STYXL2: variants seen among roughly 807,000 people sequenced by gnomAD.
STYXL2 encodes the protein serine/threonine/tyrosine interacting like 2.
A neutral mutation model predicts 52.4 loss-of-function variants in STYXL2; 44 were observed. The observed-to-expected ratio is 0.84, with a 90% confidence interval of 0.66 to 1.08. The LOEUF (loss-of-function observed/expected upper bound fraction) is 1.08, where lower values mean the gene tolerates loss of function less well. Among genes scored for constraint, STYXL2 ranks in the 50% least tolerant of loss-of-function variants. STYXL2 has a pLI of 0.00. For synonymous variants in STYXL2, 604 were observed against 586.9 expected (o/e 1.03, Z -0.42); for missense variants, 1,604 against 1,471.7 (o/e 1.09, Z -1.47).
intron 1 of STYXL2, 87 bp from the exon 2 acceptor site, chr1:167,094,747 T>C (rs2102216176): frequency 2.3e-6 from 2 of 881,400 alleles, no homozygotes; most frequent in East Asian, 2.6e-5. Context: ...CTAGTTCCAC[T>C]GAGGTGACAT....
chr1:167,094,435 T>A (rs1359772126), intron 1 of STYXL2: 2 of 195,146 alleles, frequency 1.0e-5, no homozygotes, highest in African/African-American at 4.7e-5. Context: ...GGTGTGCGCA[T>A]GGGCATAGGT....
At chr1:167,125,657 A>G in intron 5 of STYXL2, 130 bp from the exon 6 acceptor site, 1 of 1,358,920 alleles carries the variant, frequency 7.4e-7, no homozygotes, top group Non-Finnish European at 9.5e-7. Context: ...GCCCGGATGA[A>G]CTTCAGAGGC....
intron 2 of STYXL2, among the ~76,000 whole-genome samples, chr1:167,111,944 A>G (rs1017619062): frequency 2.0e-5 from 3 of 152,076 alleles, no homozygotes; most frequent in African/African-American, 7.2e-5. Flanking sequence ...ACCATCCACA[A>G]ATTGTTGTCC....
At chr1:167,117,299 C>A in intron 3 of STYXL2, 29 bp from the exon 4 acceptor site, 1 of 1,564,856 alleles carries the variant, frequency 6.4e-7, no homozygotes, top group South Asian at 1.2e-5. Flanking sequence ...TCCTAACTCT[C>A]TGATGAGAAT....
intron 2 of STYXL2, among the ~76,000 whole-genome samples, chr1:167,108,015 C>T (rs1258053625): frequency 6.6e-6 from 1 of 152,136 alleles, no homozygotes; most frequent in Non-Finnish European, 1.5e-5. Flanking sequence ...AAAAGAAGAC[C>T]AGTGTACTGG....
Position 167,126,060 on chromosome 1 carries a change from A to T in STYXL2, c.929A>T (p.His310Leu). 1 of 1,558,652 alleles carries T rather than the reference A, an allele frequency of 6.4e-7. No individual in the cohort carries two copies. ...GTGSMLGARVHALTVEEEDDS... is the reference protein window; with the variant it reads ...GTGSMLGARVLALTVEEEDDS... ...GGGAGCATGCTCGGGGCCAGAGTGC[A>T]CGCCCTGACGGTGGAAGAGGAGGAC... Residue 310 changes from histidine (H) to leucine (L), a missense_variant, in exon 6 of 6, where the codon CAC (histidine) becomes CTC (leucine). Transcript: ENST00000361200.
At chr1:167,098,248 G>C (rs1269083804) in intron 2 of STYXL2, among the ~76,000 whole-genome samples, 1 of 152,026 alleles carries the variant, frequency 6.6e-6, no homozygotes, top group Non-Finnish European at 1.5e-5. Flanking sequence ...TTGACCTTGT[G>C]ATCCCTCTGC....
At chr1:167,113,897 A>T in intron 3 of STYXL2, 93 bp downstream of exon 3, 1 of 962,400 alleles carries the variant, frequency 1.0e-6, no homozygotes, top group Admixed American at 1.7e-5. Flanking sequence ...TGTGCCTCTC[A>T]GGTGCTGCCC....
At position 167,128,019 on chromosome 1, in the gene STYXL2, C is replaced by G. The variant is rs747957900; in HGVS notation, c.2888C>G (p.Thr963Ser). The change falls in exon 6 of 6, where the codon ACC becomes AGC. Residue 963 changes from threonine (T) to serine (S), a missense_variant. Transcript: ENST00000361200. ...TCTGGAAGTTCCAGAGGGAAGTACA[C>G]CAGATCGTCCCTGCTCAGGGAGACA... The part of the protein sequence containing the change: ...DWSGSSRGKY[T>S]RSSLLRETES... The G allele has an allele frequency of 3.1e-6, 5 of 1,614,088 alleles. No individual in the cohort carries two copies. The African/African-American group carries it at 6.7e-5, about 22-fold the overall frequency.
At position 167,126,882 on chromosome 1, in the gene STYXL2, TCAGCCTGA is replaced by T; in HGVS notation, c.1758_1765del (p.Thr587ProfsTer14). The T allele has an allele frequency of 6.2e-7, 1 of 1,612,974 alleles. No homozygotes were observed. Among genetic ancestry groups the T allele is most frequent in the Non-Finnish European group, 8.5e-7 (1 of 1,179,364 alleles). Reference sequence around the variant, plus strand: ...GTAGGGGAGAAGAACCCCTCCGACGTCAGCCTGACAGCCTACCAGGCCTGGAAGCTGAA... The same window carrying T: ...GTAGGGGAGAAGAACCCCTCCGACGTCAGCCTACCAGGCCTGGAAGCTGAA... On this transcript the variant is annotated frameshift_variant, in exon 6 of 6. Coordinates refer to ENST00000361200, the MANE Select transcript of STYXL2 (RefSeq NM_001080426.3). LOFTEE classifies it low-confidence loss of function (END_TRUNC).
chr1:167,118,541 T>C (rs1161017073), intron 4 of STYXL2, among the ~76,000 whole-genome samples: 7 of 152,190 alleles, frequency 4.6e-5, no homozygotes, highest in Admixed American at 2.6e-4. Context: ...TACAGAAGCA[T>C]TCATCTTACG....
intron 2 of STYXL2, among the ~76,000 whole-genome samples, chr1:167,106,803 A>G (rs1667513511): frequency 6.6e-6 from 1 of 152,186 alleles, no homozygotes; most frequent in African/African-American, 2.4e-5. Context: ...CCCATCTGTA[A>G]CATATTTGCC....
Position 167,119,230 on chromosome 1 carries a change from T to C in STYXL2, c.438-19T>C, listed in dbSNP as rs755365731. The stretch of plus-strand genomic sequence containing the variant: ...TCTAGTTCCGACTCTTGCAAACAGG[T>C]CCCTGCCTCTTCCCGCAGGAGTGTG... On this transcript the variant is annotated intron_variant, in intron 4 of 5. Transcript: ENST00000361200. 1.3e-5 allele frequency: 21 copies of C among 1,611,662 alleles called. No individual in the cohort carries two copies. Among genetic ancestry groups the C allele is most frequent in the Non-Finnish European group, 1.8e-5 (21 of 1,178,412 alleles).
At chr1:167,110,797 C>T (rs1667601431) in intron 2 of STYXL2, among the ~76,000 whole-genome samples, 1 of 152,194 alleles carries the variant, frequency 6.6e-6, no homozygotes, top group Non-Finnish European at 1.5e-5. Flanking sequence ...ACTGACTGGC[C>T]CTTACCACAT....
chr1:167,115,105 A>T (rs914545933), intron 3 of STYXL2, among the ~76,000 whole-genome samples: 3 of 152,234 alleles, frequency 2.0e-5, no homozygotes, highest in African/African-American at 7.2e-5. Flanking sequence ...AGTCTATAGA[A>T]TGCTATGGAC....
chr1:167,125,812 G>T lies in STYXL2; in HGVS notation c.681G>T (p.Met227Ile). 1 of 1,605,452 alleles carries T rather than the reference G, an allele frequency of 6.2e-7. No homozygotes were observed. Among genetic ancestry groups the T allele is most frequent in the Non-Finnish European group, 8.5e-7 (1 of 1,176,310 alleles). ...YRGKVLVSSE[M>I]GISRSAVLVV... ...GGAAAGTCCTGGTCAGCAGCGAAAT[G>T]GGCATCAGCCGGTCAGCAGTGCTGG... is the stretch of plus-strand genomic sequence containing the variant. Residue 227 changes from methionine to isoleucine, a missense_variant, in exon 6 of 6, where the codon ATG becomes ATT. Coordinates refer to ENST00000361200, the MANE Select transcript of STYXL2 (RefSeq NM_001080426.3).
At chr1:167,112,558 G>T (rs767172081) in intron 2 of STYXL2, among the ~76,000 whole-genome samples, 1 of 152,156 alleles carries the variant, frequency 6.6e-6, no homozygotes, top group South Asian at 2.1e-4. Context: ...GTCAAAGTCT[G>T]CATTGAGTCT....
chr1:167,121,651 A>T (rs1159568272), intron 5 of STYXL2, among the ~76,000 whole-genome samples: 3 of 152,240 alleles, frequency 2.0e-5, no homozygotes, highest in Non-Finnish European at 4.4e-5. Flanking sequence ...CTCAGCAGGA[A>T]GTTTCCTGTC....
At chr1:167,120,361 C>T (rs1667825085) in intron 5 of STYXL2, among the ~76,000 whole-genome samples, 1 of 152,078 alleles carries the variant, frequency 6.6e-6, no homozygotes. Flanking sequence ...TGACCTTGGG[C>T]CATTTCCTTT....
Sources: gnomAD v4.1 joint callset for allele counts (sites outside exome capture counted in the v4.1 genomes callset) on GRCh38, gnomAD v4.1.1 for gene constraint, MANE v1.5 for transcripts, NCBI Gene and HGNC (gene_info 2026-07-23, HGNC 2026-07-21) for gene names.